NRSN2: variants seen among roughly 807,000 people sequenced by gnomAD.
The protein encoded by NRSN2 is neurensin 2.
A neutral mutation model predicts 11.1 loss-of-function variants in NRSN2; 10 were observed. The observed-to-expected ratio is 0.90, with a 90% CI of 0.56 to 1.53. The LOEUF is 1.53. Among genes scored for constraint, NRSN2 ranks in the 40% most tolerant of loss-of-function variants. The pLI, the probability that NRSN2 is intolerant of heterozygous loss-of-function variation, is 0.00. For synonymous variants in NRSN2, 100 were observed against 117.0 expected (o/e 0.86, Z 0.94); for missense variants, 260 against 273.7 (o/e 0.95, Z 0.35).
chr20:348,531 T>C (rs553254993), intron 2 of NRSN2: 1 of 55,670 alleles, frequency 1.8e-5, no homozygotes, highest in South Asian at 7.0e-4. Context: ...GTGTGTGTCG[T>C]ACCTATCTGG....
rs2014176887 is a variant in NRSN2 at position 353,648 on chromosome 20, GCCTAAGATGTGGGTCCTGGATCCTTCCC to G, written c.*16_*43del. The stretch of plus-strand genomic sequence containing the variant: ...GAGGGACTCCTGAGCTGCCCACATG[GCCTAAGATGTGGGTCCTGGATCCTTCCC>G]CCCTTCTCACCATAACCCCCTCTCA... On this transcript the variant is annotated 3_prime_UTR_variant, in exon 5 of 5. Transcript: ENST00000382285. 1.2e-6 allele frequency: 2 copies of G among 1,600,488 alleles called. No homozygotes were observed. Among genetic ancestry groups the G allele is most frequent in the Non-Finnish European group, 1.7e-6 (2 of 1,176,176 alleles).
chr20:347,237 C>G lies in NRSN2; in HGVS notation c.-201+95C>G, dbSNP rs2013482711. ...CCGCATCCTCAGCCCGGGCCGTGTC[C>G]CGCCAGGGCCGGGACCTTTGCGCCT... is the stretch of plus-strand genomic sequence containing the variant. On this transcript the variant is annotated intron_variant, in intron 1 of 4. Coordinates refer to ENST00000382285, the MANE Select transcript of NRSN2 (RefSeq NM_001323682.2). The surrounding 1 kb of genome is among the most constrained non-coding windows in gnomAD (Gnocchi z 7.0). 6.6e-6 allele frequency: 1 copy of G among 152,400 alleles called. No homozygotes were observed. Among genetic ancestry groups the G allele is most frequent in the Non-Finnish European group, 1.5e-5 (1 of 68,242 alleles). The allele number at this position is 152,400 out of a possible 1,614,324, so 9.4% of individuals were successfully genotyped here. A position where few individuals can be genotyped will look rare whatever the true frequency, so the allele number is the denominator to read the frequency against.
rs538977487 is a variant in NRSN2 at position 351,403 on chromosome 20, G to A, written c.189+1571G>A. On this transcript the variant is annotated intron_variant, in intron 4 of 4. Coordinates refer to ENST00000382285, the MANE Select transcript of NRSN2 (RefSeq NM_001323682.2). The stretch of plus-strand genomic sequence containing the variant: ...TAAAAAATTAGCTGGATGTAGTGGC[G>A]CGGGCCTGTGATGCCTACTACTCAA... Among the ~76,000 whole-genome samples, 16 of 152,110 alleles carry A rather than the reference G, an allele frequency of 1.1e-4. 1 individual carries two copies. In the South Asian group the frequency reaches 1.2e-3, roughly 12 times the overall value.
chr20:350,003 T>C (rs1261897188), intron 4 of NRSN2, among the ~76,000 whole-genome samples, 171 bp downstream of exon 4: 1 of 152,218 alleles, frequency 6.6e-6, no homozygotes, highest in Non-Finnish European at 1.5e-5. Flanking sequence ...GGAGCCTTCA[T>C]TGTATTTGTA....
rs746169063 is a variant in NRSN2 at position 349,746 on chromosome 20, G to C, written c.103G>C (p.Asp35His). 2 of 1,613,530 alleles carry C rather than the reference G, an allele frequency of 1.2e-6. No homozygotes were observed. The highest frequency in any genetic ancestry group is 1.7e-6 in the Non-Finnish European group (2 of 1,180,026). The change falls in exon 4 of 5, where the codon GAC becomes CAC. Residue 35 changes from aspartate to histidine, a missense_variant. Transcript: ENST00000382285. Reference sequence around the variant, plus strand: ...CTCCTACCTGCACCTCTTCTATGAGGACTGTGCAGGCACTGCTCTCAGCGA... The same window carrying C: ...CTCCTACCTGCACCTCTTCTATGAGCACTGTGCAGGCACTGCTCTCAGCGA... ...VRSYLHLFYE[D>H]CAGTALSDDP... is the part of the protein sequence containing the mutation.
At chr20:352,264 A>G (rs548919645) in intron 4 of NRSN2, among the ~76,000 whole-genome samples, 14 of 152,184 alleles carry the variant, frequency 9.2e-5, no homozygotes, top group Non-Finnish European at 1.9e-4. Context: ...AGAGGTGGCA[A>G]TGAGCTGAGT....
At position 353,648 on chromosome 20, in the gene NRSN2, G is replaced by T. The variant is rs769203654; in HGVS notation, c.*13G>T. On this transcript the variant is annotated 3_prime_UTR_variant, in exon 5 of 5. Coordinates refer to ENST00000382285, the MANE Select transcript of NRSN2 (RefSeq NM_001323682.2). ...GAGGGACTCCTGAGCTGCCCACATGGCCTAAGATGTGGGTCCTGGATCCTT... is the reference window on the plus strand; with the variant it reads ...GAGGGACTCCTGAGCTGCCCACATGTCCTAAGATGTGGGTCCTGGATCCTT... 6 of 1,600,488 alleles carry T rather than the reference G, an allele frequency of 3.7e-6. No homozygotes were observed. The South Asian group carries it at 6.7e-5, about 18-fold the overall frequency.
At position 354,214 on chromosome 20, in the gene NRSN2, TAGGTGAGGTGGGTGAAGA is replaced by T. The variant is rs2014219733; in HGVS notation, c.*583_*600del. The T allele has an allele frequency of 6.6e-6, 1 of 152,534 alleles. No homozygotes were observed. The highest frequency in any genetic ancestry group is 2.1e-4 in the South Asian group (1 of 4,868). 9.4% of individuals were successfully genotyped at this position (152,534 alleles called of 1,614,324 possible). A position where few individuals can be genotyped will look rare whatever the true frequency, so the allele number is the denominator to read the frequency against. On this transcript the variant is annotated 3_prime_UTR_variant, in exon 5 of 5. Coordinates refer to ENST00000382285, the MANE Select transcript of NRSN2 (RefSeq NM_001323682.2). ...ACAGGCAATTACTAGCCCTAGTTGA[TAGGTGAGGTGGGTGAAGA>T]AGGCTGGAGGTGACATGTCCGAGGT...
rs943208291 is a variant in NRSN2 at position 347,902 on chromosome 20, G to A, written c.-122+390G>A. ...GGTGCCTGCGCCCCGCCCCCCGCCC[G>A]CCAGACCTACTCCGTGCAGCCCTGA... On this transcript the variant is annotated intron_variant, in intron 2 of 4. Coordinates refer to ENST00000382285, the MANE Select transcript of NRSN2 (RefSeq NM_001323682.2). This position sits in a 1 kb window ranked among gnomAD's most constrained non-coding sequence, Gnocchi z 7.0. 6.6e-6 allele frequency among the ~76,000 whole-genome samples: 1 copy of A among 151,458 alleles called. No individual in the cohort carries two copies.
At chr20:350,929 C>T (rs1452943543) in intron 4 of NRSN2, among the ~76,000 whole-genome samples, 1 of 152,156 alleles carries the variant, frequency 6.6e-6, no homozygotes, top group East Asian at 1.9e-4. Context: ...TAAGGGAAGT[C>T]AGCATTTCCT....
At position 349,692 on chromosome 20, in the gene NRSN2, G is replaced by C. The variant is rs376537282; in HGVS notation, c.49G>C (p.Val17Leu). Residue 17 changes from valine to leucine, a missense_variant, in exon 4 of 5, where the codon GTG becomes CTG. Val to Leu is a conservative substitution (Grantham distance 32, BLOSUM62 1). Coordinates refer to ENST00000382285, the MANE Select transcript of NRSN2 (RefSeq NM_001323682.2). ...RSCSCSRGPS[V>L]EDGKWYGVRS... ...CTGCAGCTGCAGCCGCGGCCCCAGC[G>C]TGGAGGATGGCAAGTGGTATGGGGT... 2 of 1,613,206 alleles carry C rather than the reference G, an allele frequency of 1.2e-6. No individual in the cohort carries two copies. The highest frequency in any genetic ancestry group is 1.7e-6 in the Non-Finnish European group (2 of 1,179,998).
intron 2 of NRSN2, among the ~76,000 whole-genome samples, chr20:348,780 C>CAA (rs2013683909): frequency 6.6e-6 from 1 of 151,142 alleles, no homozygotes; most frequent in Non-Finnish European, 1.5e-5. Context: ...CACCTCCTGG[C>CAA]TTTGGTTCGG....
chr20:349,081 G>A (rs1275972752), intron 2 of NRSN2, among the ~76,000 whole-genome samples, 168 bp from the exon 3 acceptor site: 1 of 152,192 alleles, frequency 6.6e-6, no homozygotes, highest in Non-Finnish European at 1.5e-5. Flanking sequence ...GAGGGGGTCT[G>A]AAGGGGAGCG....
At chr20:352,866 G>C (rs905203756) in intron 4 of NRSN2, among the ~76,000 whole-genome samples, 15 of 152,192 alleles carry the variant, frequency 9.9e-5, no homozygotes, top group African/African-American at 3.6e-4. Flanking sequence ...AGGAGGTGAG[G>C]TTTGAGATGA....
Position 353,540 on chromosome 20 carries a change from T to A in NRSN2, c.520T>A (p.Phe174Ile), listed in dbSNP as rs2014162996. ...DEPEQQLSPI[F>I]RNASGQSWFS... The stretch of plus-strand genomic sequence containing the variant: ...GCCAGAGCAGCAGTTGTCACCCATT[T>A]TCCGCAATGCCAGTGGCCAGTCATG... The change falls in exon 5 of 5, where the codon TTC becomes ATC. Residue 174 changes from phenylalanine (F) to isoleucine (I), a missense_variant. By Grantham distance (21) the Phe-to-Ile change is conservative. Transcript: ENST00000382285. The A allele has an allele frequency of 6.2e-7, 1 of 1,614,180 alleles. No individual in the cohort carries two copies. Among genetic ancestry groups the A allele is most frequent in the African/African-American group, 1.3e-5 (1 of 75,044 alleles).
chr20:351,890 ACT>A (rs1242454079), intron 4 of NRSN2, among the ~76,000 whole-genome samples: 1 of 152,108 alleles, frequency 6.6e-6, no homozygotes, highest in Non-Finnish European at 1.5e-5. Context: ...CTCTGGGCAA[ACT>A]CTGTGCCCAT....
At position 354,753 on chromosome 20, in the gene NRSN2, C is replaced by T. The variant is rs1389430927; in HGVS notation, c.*1118C>T. On this transcript the variant is annotated 3_prime_UTR_variant, in exon 5 of 5. Coordinates refer to ENST00000382285, the MANE Select transcript of NRSN2 (RefSeq NM_001323682.2). ...AGCCTGAAGGGCCTCCTAGGGGATC[C>T]TCAGGCGGCCCCCACCAGGGCACAC... 6.6e-6 allele frequency: 1 copy of T among 152,260 alleles called. No homozygotes were observed. The allele number at this position is 152,260 out of a possible 1,614,324, so 9.4% of individuals were successfully genotyped here. A position where few individuals can be genotyped will look rare whatever the true frequency, so the allele number is the denominator to read the frequency against.
Position 349,666 on chromosome 20 carries a change from C to T in NRSN2, c.23C>T (p.Ser8Phe), listed in dbSNP as rs1474888303. The change falls in exon 4 of 5, where the codon TCC becomes TTC. Residue 8 changes from serine (S) to phenylalanine (F), a missense_variant. Ser to Phe is a radical substitution (Grantham distance 155, BLOSUM62 -2). Transcript: ENST00000382285. Reference sequence around the variant, plus strand: ...TCCATGATGCCGAGCTGCAATCGTTCCTGCAGCTGCAGCCGCGGCCCCAGC... The same window carrying T: ...TCCATGATGCCGAGCTGCAATCGTTTCTGCAGCTGCAGCCGCGGCCCCAGC... MMPSCNR[S>F]CSCSRGPSVE... The T allele has an allele frequency of 1.2e-6, 2 of 1,612,238 alleles. No homozygotes were observed. Among genetic ancestry groups the T allele is most frequent in the Non-Finnish European group, 1.7e-6 (2 of 1,179,768 alleles).
chr20:352,970 G>A (rs186253548), intron 4 of NRSN2, among the ~76,000 whole-genome samples: 38 of 152,206 alleles, frequency 2.5e-4, no homozygotes, highest in African/African-American at 5.5e-4. Flanking sequence ...AGGGTTGGCC[G>A]GAGAAACCCA....
Sources: gnomAD v4.1 joint callset for allele counts (sites outside exome capture counted in the v4.1 genomes callset) on GRCh38, gnomAD v4.1.1 for gene constraint, Gnocchi (gnomAD v3.1) non-coding constraint, MANE v1.5 for transcripts, NCBI Gene and HGNC (gene_info 2026-07-23, HGNC 2026-07-21) for gene names.